Variants in CSMD3 observed in about 807,000 individuals in gnomAD.
CSMD3 encodes the protein CUB and sushi domain-containing protein 3.
In CSMD3, 177 loss-of-function variants were observed where a neutral mutation model predicts 435.2. The ratio of observed to expected loss-of-function variants is 0.41; its 90% CI spans 0.36 to 0.46. CSMD3 has a LOEUF of 0.46. Among genes scored for constraint, CSMD3 ranks in the 20% least tolerant of loss-of-function variants. The pLI is 0.34. For synonymous variants in CSMD3, 1,656 were observed against 1,520.5 expected (o/e 1.09, Z -2.07); for missense variants, 4,265 against 4,504.6 (o/e 0.95, Z 1.52).
At chr8:112,922,139 A>G (rs2082763138) in intron 9 of CSMD3, among the ~76,000 whole-genome samples, 1 of 152,048 alleles carries the variant, frequency 6.6e-6, no homozygotes, top group Non-Finnish European at 1.5e-5. Context: ...TTACACATGC[A>G]TTTGTGTCTA....
chr8:112,877,050 AG>A (rs1307279224), intron 10 of CSMD3, among the ~76,000 whole-genome samples: 1 of 152,154 alleles, frequency 6.6e-6, no homozygotes, highest in Non-Finnish European at 1.5e-5. Flanking sequence ...ACAACTTACA[AG>A]GGATGTGAAG....
chr8:112,800,293 A>T lies in CSMD3; in HGVS notation c.1860-19T>A. The T allele has an allele frequency of 6.9e-7, 1 of 1,452,636 alleles. No individual in the cohort carries two copies. Among genetic ancestry groups the T allele is most frequent in the Non-Finnish European group, 9.7e-7 (1 of 1,033,176 alleles). The allele number at this position is 1,452,636 out of a possible 1,614,324, so 90.0% of individuals were successfully genotyped here. On this transcript the variant is annotated intron_variant, in intron 12 of 70. Transcript: ENST00000297405. The stretch of plus-strand genomic sequence containing the variant: ...AGTCAGCCTAAAAAGAGATGGACAA[A>T]GAAGGGAGAGATGGGTTATTAAAAC...
In CSMD3 at chr8:112,611,575, T is replaced by C. The variant is rs147233329; in HGVS notation, c.3716-24340A>G. 7.9e-5 allele frequency among the ~76,000 whole-genome samples: 12 copies of C among 152,312 alleles called. 1 individual carries two copies. The East Asian group carries it at 2.3e-3, about 29-fold the overall frequency. On this transcript the variant is annotated intron_variant, in intron 22 of 70. Coordinates refer to ENST00000297405, the MANE Select transcript of CSMD3 (RefSeq NM_198123.2). ...TAGCTAAGTATTGATAGTGTTTAGC[T>C]GTATGCTTTGCTCTAAAACATGCTC...
rs142989781 is a variant in CSMD3, at chr8:113,332,737, C to T, written c.179-17944G>A. Among the ~76,000 whole-genome samples the T allele has an allele frequency of 2.8e-3, 429 of 151,572 alleles. 2 individuals carry two copies. The highest frequency in any genetic ancestry group is 0.01 in the African/African-American group (418 of 41,428). On this transcript the variant is annotated intron_variant, in intron 1 of 70. Coordinates refer to ENST00000297405, the MANE Select transcript of CSMD3 (RefSeq NM_198123.2). ...TTATTCAAGCAGTACCTTGCAAAAT[C>T]GAATGTGGCTATTTTTAATTGCTAA...
intron 4 of CSMD3, among the ~76,000 whole-genome samples, chr8:113,159,505 T>A (rs930886498): frequency 1.3e-5 from 2 of 151,904 alleles, no homozygotes; most frequent in Admixed American, 6.6e-5. Context: ...AGTAAGTAAA[T>A]CTCTCCTGCC....
rs981042288 is a variant in CSMD3, at chr8:113,045,782, C to G, written c.918-26603G>C. ...ACTTGTGCCTCACCAGCACGAAACT[C>G]GGCACATCATTTTACTTTCAGTTGT... On this transcript the variant is annotated intron_variant, in intron 5 of 70. Transcript: ENST00000297405. 2.0e-4 allele frequency among the ~76,000 whole-genome samples: 30 copies of G among 149,414 alleles called. 2 individuals are homozygous for G. The highest frequency in any genetic ancestry group is 2.1e-4 in the South Asian group (1 of 4,732).
chr8:112,592,572 T>C (rs555945198), intron 22 of CSMD3, among the ~76,000 whole-genome samples: 1 of 152,252 alleles, frequency 6.6e-6, no homozygotes, highest in East Asian at 1.9e-4. Context: ...TTTATTACCA[T>C]GTGGAATTAT....
intron 5 of CSMD3, among the ~76,000 whole-genome samples, chr8:113,053,798 A>G (rs913686161): frequency 1.3e-5 from 2 of 152,152 alleles, no homozygotes; most frequent in African/African-American, 4.8e-5. Flanking sequence ...TTATTTATGT[A>G]TATCAGCTTA....
chr8:113,395,189 T>C (rs1051607369), intron 1 of CSMD3, among the ~76,000 whole-genome samples: 21 of 152,210 alleles, frequency 1.4e-4, no homozygotes, highest in Admixed American at 1.2e-3. Context: ...CCATTTAGTT[T>C]ATGAATCTTT....
At chr8:112,656,587 A>G (rs745691833) in intron 17 of CSMD3, among the ~76,000 whole-genome samples, 1 of 152,136 alleles carries the variant, frequency 6.6e-6, no homozygotes, top group Non-Finnish European at 1.5e-5. Flanking sequence ...GATTCTTTCA[A>G]ATATTATAAA....
intron 12 of CSMD3, among the ~76,000 whole-genome samples, chr8:112,826,854 C>T (rs1459866552): frequency 1.3e-5 from 2 of 152,066 alleles, no homozygotes; most frequent in Non-Finnish European, 2.9e-5. Flanking sequence ...GTAGGAACAA[C>T]CATTTGGGTA....
chr8:112,289,750 A>G lies in CSMD3; in HGVS notation c.8975-212T>C, dbSNP rs575451335. ...TTCTGTTAACTTACTCATTCCGAGG[A>G]TGAGTTTAACAGCAACATTGTAAGC... On this transcript the variant is annotated intron_variant, in intron 56 of 70. Coordinates refer to ENST00000297405, the MANE Select transcript of CSMD3 (RefSeq NM_198123.2). 2.6e-5 allele frequency among the ~76,000 whole-genome samples: 4 copies of G among 152,238 alleles called. No individual in the cohort carries two copies. In the East Asian group the frequency reaches 7.7e-4, roughly 29 times the overall value.
intron 3 of CSMD3, among the ~76,000 whole-genome samples, chr8:113,196,067 T>G (rs2092651973): frequency 6.6e-6 from 1 of 150,966 alleles, no homozygotes; most frequent in Non-Finnish European, 1.5e-5. Flanking sequence ...GAAACTTCAG[T>G]CCCTTTCTCA....
intron 38 of CSMD3, among the ~76,000 whole-genome samples, chr8:112,369,721 G>A (rs553945189): frequency 6.6e-6 from 1 of 151,868 alleles, no homozygotes; most frequent in Non-Finnish European, 1.5e-5. Context: ...GGGAGTTGGG[G>A]TGCAAGGGCA....
chr8:112,593,897 G>GT (rs1204495621), intron 22 of CSMD3, among the ~76,000 whole-genome samples: 3 of 151,946 alleles, frequency 2.0e-5, no homozygotes, highest in Admixed American at 6.6e-5. Flanking sequence ...TGAAGGAAGG[G>GT]TCTTTTTGTT....
chr8:113,142,865 AATATAT>A (rs60270302), intron 4 of CSMD3, among the ~76,000 whole-genome samples: 235 of 144,900 alleles, frequency 1.6e-3, no homozygotes, highest in East Asian at 0.011. Context: ...GAACTCCTTA[AATATAT>A]ATATATATAT....
At chr8:112,323,164 C>CAAAT (rs1554642277) in intron 45 of CSMD3, among the ~76,000 whole-genome samples, 2 of 151,754 alleles carry the variant, frequency 1.3e-5, no homozygotes, top group African/African-American at 2.4e-5. Context: ...AACAAACAAA[C>CAAAT]AAACAAACAA....
At chr8:113,119,838 T>C (rs2090936529) in intron 4 of CSMD3, among the ~76,000 whole-genome samples, 2 of 152,224 alleles carry the variant, frequency 1.3e-5, no homozygotes, top group Middle Eastern at 3.4e-3. Context: ...TCTTAATAAA[T>C]TGTAATAACA....
At chr8:113,156,807 C>A in intron 4 of CSMD3, among the ~76,000 whole-genome samples, 1 of 151,380 alleles carries the variant, frequency 6.6e-6, no homozygotes. Context: ...GGCACATGCC[C>A]ATAGTCCTAG....
Sources: gnomAD v4.1 joint callset for allele counts (sites outside exome capture counted in the v4.1 genomes callset) on GRCh38, gnomAD v4.1.1 for gene constraint, MANE v1.5 for transcripts, NCBI Gene and HGNC (gene_info 2026-07-23, HGNC 2026-07-21) for gene names.